The following SBF2 variants were observed in gnomAD, a reference collection of about 807,000 sequenced individuals.
SBF2 encodes SET binding factor 2.
SBF2 carries 112 observed loss-of-function variants against 225.2 expected under a neutral mutation model. The observed-to-expected ratio is 0.50, with a 90% CI of 0.43 to 0.58. The LOEUF (loss-of-function observed/expected upper bound fraction) is 0.58, where lower values mean the gene tolerates loss of function less well. SBF2 is among the 20% of genes least tolerant of loss of function. The pLI, the probability that SBF2 is intolerant of heterozygous loss-of-function variation, is 0.00. For missense variants in SBF2, 1,996 were observed against 2,206.2 expected (o/e 0.90, Z 1.91); for synonymous variants, 763 against 773.3 (o/e 0.99, Z 0.22).
chr11:9,784,353 G>C lies in SBF2; in HGVS notation c.5317C>G (p.Gln1773Glu), dbSNP rs1564849389. The change falls in exon 38 of 40, where the codon CAG becomes GAG. Residue 1773 changes from glutamine (Q) to glutamate (E), a missense_variant and splice_region_variant. By Grantham distance (29) the Gln-to-Glu change is conservative. Coordinates refer to ENST00000256190, the MANE Select transcript of SBF2 (RefSeq NM_030962.4). ...RWFVLDVTKHQLRYYDSGEDT... is the reference protein window; with the variant it reads ...RWFVLDVTKHELRYYDSGEDT... ...TCTTTTGGCTTTAAGAGTATTACCT[G>C]ATGTTTTGTTACATCCAAAACAAAC... is the stretch of plus-strand genomic sequence containing the variant. The C allele has an allele frequency of 1.2e-6, 2 of 1,609,700 alleles. No homozygotes were observed. The highest frequency in any genetic ancestry group is 1.3e-5 in the African/African-American group (1 of 74,832).
intron 1 of SBF2, among the ~76,000 whole-genome samples, chr11:10,201,050 T>C (rs1367597714): frequency 2.0e-5 from 3 of 152,210 alleles, no homozygotes; most frequent in African/African-American, 4.8e-5. Flanking sequence ...AACTTCAGCA[T>C]TGTACCTAGC....
chr11:9,910,676 C>G (rs2134184720), intron 16 of SBF2, among the ~76,000 whole-genome samples: 1 of 150,756 alleles, frequency 6.6e-6, no homozygotes, highest in East Asian at 2.0e-4. Flanking sequence ...TTTGTGTCTT[C>G]ATTTTTAATG....
intron 16 of SBF2, among the ~76,000 whole-genome samples, chr11:9,923,154 GTGAAGCGGTAC>G (rs1863763953): frequency 6.6e-6 from 1 of 152,110 alleles, no homozygotes; most frequent in Non-Finnish European, 1.5e-5. Flanking sequence ...TGCTCCAAAA[GTGAAGCGGTAC>G]CCTTAAGGCA....
At chr11:10,054,978 C>T (rs528483751) in intron 2 of SBF2, among the ~76,000 whole-genome samples, 148 of 152,122 alleles carry the variant, frequency 9.7e-4, no homozygotes, top group African/African-American at 3.3e-3. Context: ...GGCAAGATCT[C>T]GGCTCACTGC....
intron 2 of SBF2, among the ~76,000 whole-genome samples, chr11:10,051,199 G>A (rs1486496975): frequency 6.6e-6 from 1 of 152,044 alleles, no homozygotes; most frequent in African/African-American, 2.4e-5. Context: ...TTTAGCTATT[G>A]AGCCATGTTT....
At chr11:10,151,631 A>G (rs1024223199) in intron 2 of SBF2, among the ~76,000 whole-genome samples, 1 of 152,232 alleles carries the variant, frequency 6.6e-6, no homozygotes, top group Non-Finnish European at 1.5e-5. Flanking sequence ...TTTTACTACA[A>G]TAAGAAACTT....
chr11:9,841,858 C>T (rs1425720566), intron 25 of SBF2, among the ~76,000 whole-genome samples: 1 of 152,174 alleles, frequency 6.6e-6, no homozygotes, highest in East Asian at 1.9e-4. Flanking sequence ...ATCCCAGCAA[C>T]TGAAAATGGA....
In SBF2 at chr11:10,265,739, C is replaced by A. The variant is rs116497681; in HGVS notation, c.55+28276G>T. ...TCGCTCTGTTACCCAGGTTGGAGTA[C>A]AAGTGGTGCAATCATGGCTCACCAC... On this transcript the variant is annotated intron_variant, in intron 1 of 39. Transcript: ENST00000256190. Among the ~76,000 whole-genome samples the A allele has an allele frequency of 6.2e-3, 950 of 152,186 alleles. 9 individuals carry two copies. The highest frequency in any genetic ancestry group is 0.022 in the African/African-American group (901 of 41,512).
chr11:9,910,306 ATGT>A (rs542814173), intron 16 of SBF2, among the ~76,000 whole-genome samples: 23 of 152,210 alleles, frequency 1.5e-4, no homozygotes, highest in Non-Finnish European at 2.6e-4. Context: ...ATTTGGGCTG[ATGT>A]TGGTGTAAAC....
At chr11:9,858,136 G>T in intron 18 of SBF2, 90 bp downstream of exon 18, 2 of 1,430,056 alleles carry the variant, frequency 1.4e-6, no homozygotes, top group Non-Finnish European at 9.8e-7. Context: ...GCAGGAAGTA[G>T]CTAGAGTTTT....
chr11:9,962,199 T>C lies in SBF2; in HGVS notation c.1711-93A>G, dbSNP rs1866619174. 3.7e-6 allele frequency: 4 copies of C among 1,085,728 alleles called. No individual in the cohort carries two copies. The Admixed American group carries it at 7.1e-5, about 19-fold the overall frequency. 67.3% of individuals were successfully genotyped at this position (1,085,728 alleles called of 1,614,324 possible). ...ATCCTGAAAATTCAAACGCATCCTA[T>C]AATTTATTTAACATAGTTATTAGTA... On this transcript the variant is annotated intron_variant, in intron 15 of 39. Transcript: ENST00000256190.
rs563394115 is a variant in SBF2 at position 10,286,163 on chromosome 11, C to A, written c.55+7852G>T. Among the ~76,000 whole-genome samples, 567 of 113,156 alleles carry A rather than the reference C, an allele frequency of 5.0e-3. 1 individual carries two copies. Among genetic ancestry groups the A allele is most frequent in the Non-Finnish European group, 8.4e-3 (410 of 48,556 alleles). 74.2% of individuals were successfully genotyped at this position (113,156 alleles called of 152,430 possible). A position where few individuals can be genotyped will look rare whatever the true frequency, so the allele number is the denominator to read the frequency against. On this transcript the variant is annotated intron_variant, in intron 1 of 39. Coordinates refer to ENST00000256190, the MANE Select transcript of SBF2 (RefSeq NM_030962.4). ...TTAAATTTCTTCACATAAACACGCACACGCACACACACACACACACACACA... is the reference window on the plus strand; with the variant it reads ...TTAAATTTCTTCACATAAACACGCAAACGCACACACACACACACACACACA...
chr11:10,073,897 A>T (rs548754392), intron 2 of SBF2, among the ~76,000 whole-genome samples: 1 of 152,184 alleles, frequency 6.6e-6, no homozygotes, highest in African/African-American at 2.4e-5. Flanking sequence ...TGATATTATT[A>T]CTTATGTTTT....
At position 9,866,358 on chromosome 11, in the gene SBF2, T is replaced by A. The variant is rs551973285; in HGVS notation, c.1930-7962A>T. Reference sequence around the variant, plus strand: ...TAAGGCTATAGTAGCCAAAACAGCATGGTACTGCCATAAAAACAGACTCAT... The same window carrying A: ...TAAGGCTATAGTAGCCAAAACAGCAAGGTACTGCCATAAAAACAGACTCAT... On this transcript the variant is annotated intron_variant, in intron 17 of 39. Transcript: ENST00000256190. Among the ~76,000 whole-genome samples the A allele has an allele frequency of 5.3e-5, 8 of 152,192 alleles. No homozygotes were observed. In the South Asian group the frequency reaches 1.7e-3, roughly 32 times the overall value.
intron 16 of SBF2, among the ~76,000 whole-genome samples, chr11:9,911,095 C>T (rs772545013): frequency 6.6e-5 from 10 of 151,282 alleles, no homozygotes; most frequent in South Asian, 4.2e-4. Flanking sequence ...CGACTGGGCA[C>T]GGTGGCTCAT....
At chr11:10,241,989 T>C (rs1959248512) in intron 1 of SBF2, among the ~76,000 whole-genome samples, 1 of 151,458 alleles carries the variant, frequency 6.6e-6, no homozygotes, top group Admixed American at 6.6e-5. Flanking sequence ...CCCTACTCCC[T>C]GCAGACCCAC....
At chr11:10,166,715 C>T (rs1360762357) in intron 2 of SBF2, among the ~76,000 whole-genome samples, 1 of 152,056 alleles carries the variant, frequency 6.6e-6, no homozygotes, top group Non-Finnish European at 1.5e-5. Context: ...GTAATCCTAG[C>T]ACTTTGGGAG....
At position 10,183,945 on chromosome 11, in the gene SBF2, G is replaced by A. The variant is rs185836627; in HGVS notation, c.141+9957C>T. 3.8e-3 allele frequency among the ~76,000 whole-genome samples: 577 copies of A among 152,248 alleles called. 4 individuals are homozygous for A. Among genetic ancestry groups the A allele is most frequent in the South Asian group, 5.4e-3 (26 of 4,816 alleles). ...CTGTAGCACCGTTAAGGTGAATATGGTTAACAATAATTTAGTGTATATTTT... is the reference window on the plus strand; with the variant it reads ...CTGTAGCACCGTTAAGGTGAATATGATTAACAATAATTTAGTGTATATTTT... On this transcript the variant is annotated intron_variant, in intron 2 of 39. Transcript: ENST00000256190.
chr11:10,091,863 T>C (rs1247919439), intron 2 of SBF2, among the ~76,000 whole-genome samples: 6 of 152,200 alleles, frequency 3.9e-5, no homozygotes, highest in Non-Finnish European at 8.8e-5. Flanking sequence ...GATGAAATGT[T>C]AGTTCTTGGT....
Sources: gnomAD v4.1 joint callset for allele counts (sites outside exome capture counted in the v4.1 genomes callset) on GRCh38, gnomAD v4.1.1 for gene constraint, MANE v1.5 for transcripts, NCBI Gene and HGNC (gene_info 2026-07-23, HGNC 2026-07-21) for gene names.